MAST2: variants seen among roughly 807,000 people sequenced by gnomAD.
The protein encoded by MAST2 is microtubule associated serine/threonine kinase 2, also known as microtubule-associated serine/threonine-protein kinase 2.
Under a neutral mutation model 147.4 loss-of-function variants are expected in MAST2, and 70 were observed. The observed-to-expected ratio is 0.47, with a 90% CI of 0.39 to 0.58. The LOEUF is 0.58. Ranked by LOEUF, MAST2 falls within the 20% of genes least tolerant of loss-of-function variation. MAST2 has a pLI of 0.00. For missense variants in MAST2, 2,080 were observed against 2,302.3 expected (o/e 0.90, Z 1.98); for synonymous variants, 869 against 896.8 (o/e 0.97, Z 0.55).
At chr1:45,939,980 G>GTTTTTTTTTTTTTTTTTTTTTT (rs1174123217) in intron 4 of MAST2, among the ~76,000 whole-genome samples, 3 of 97,284 alleles carry the variant, frequency 3.1e-5, no homozygotes, top group African/African-American at 3.9e-5. Context: ...TTTATTTAGG[G>GTTTTTTTTTTTTTTTTTTTTTT]TTTTTTTTTT....
At chr1:45,999,917 C>G (rs558886707) in intron 6 of MAST2, among the ~76,000 whole-genome samples, 2 of 152,290 alleles carry the variant, frequency 1.3e-5, no homozygotes, top group South Asian at 4.1e-4. Flanking sequence ...AAGCTGTGTC[C>G]TGGCGGGAAG....
rs578169606 is a variant in MAST2, at chr1:45,923,232, G to A, written c.501-36154G>A. ...GGTGGGTTCCCAGGGCAGTGGGCCT[G>A]TAGGGGGGCTTCCAAAGGAGGGTTC... is the stretch of plus-strand genomic sequence containing the variant. On this transcript the variant is annotated intron_variant, in intron 4 of 28. Transcript: ENST00000361297. Among the ~76,000 whole-genome samples, 12 of 152,264 alleles carry A rather than the reference G, an allele frequency of 7.9e-5. No homozygotes were observed. In the South Asian group the frequency reaches 2.3e-3, roughly 29 times the overall value.
chr1:45,933,755 CA>C (rs1307917138), intron 4 of MAST2, among the ~76,000 whole-genome samples: 5 of 149,316 alleles, frequency 3.3e-5, no homozygotes, highest in Admixed American at 1.3e-4. Flanking sequence ...AACTCAGTCT[CA>C]AAAAAAAAGA....
Position 46,036,095 on chromosome 1 carries a change from C to T in MAST2, c.*29C>T. The T allele has an allele frequency of 6.4e-7, 1 of 1,563,016 alleles. No homozygotes were observed. Among genetic ancestry groups the T allele is most frequent in the Non-Finnish European group, 8.7e-7 (1 of 1,153,122 alleles). On this transcript the variant is annotated 3_prime_UTR_variant, in exon 29 of 29. Transcript: ENST00000361297. Reference sequence around the variant, plus strand: ...TTGTTTGCCATTTCTTGCACTCAGACCTGTGTAATATATGCTCCTGGAAAC... The same window carrying T: ...TTGTTTGCCATTTCTTGCACTCAGATCTGTGTAATATATGCTCCTGGAAAC...
At chr1:45,944,978 G>T (rs1015251834) in intron 4 of MAST2, among the ~76,000 whole-genome samples, 4 of 152,172 alleles carry the variant, frequency 2.6e-5, no homozygotes, top group African/African-American at 9.7e-5. Flanking sequence ...ATAGAACCTT[G>T]CAATTAGCTG....
chr1:45,917,348 C>T (rs41286710), intron 4 of MAST2: 62,612 of 1,365,324 alleles, frequency 0.046, 1,664 homozygotes, highest in South Asian at 0.056. Context: ...GAATCTCTAC[C>T]CTTTGCCGAG....
At position 46,035,821 on chromosome 1, in the gene MAST2, T is replaced by C. The variant is rs757734339; in HGVS notation, c.5152T>C (p.Tyr1718His). 3.1e-6 allele frequency: 5 copies of C among 1,613,932 alleles called. No homozygotes were observed. The South Asian group carries it at 5.5e-5, about 18-fold the overall frequency. Residue 1718 changes from tyrosine (Y) to histidine (H), a missense_variant, in exon 29 of 29, where the codon TAT becomes CAT. Physicochemically the swap from Tyr to His is moderately conservative, Grantham distance 83. Around this residue, in one of 4 missense-constraint regions of MAST2, gnomAD observed 1,278 missense variants for 1,304.2 expected, o/e 0.98. Transcript: ENST00000361297. The surrounding 1 kb of genome is among the most constrained non-coding windows in gnomAD (Gnocchi z 5.5). ...TGCCCCCAGACTGGCCCATCCATCT[T>C]ATGAGGATCCCAGCCAGGGCTGGCT... ...PSAPRLAHPS[Y>H]EDPSQGWLWE...
At position 46,019,685 on chromosome 1, in the gene MAST2, C is replaced by G. The variant is rs1161420895; in HGVS notation, c.1278C>G (p.Leu426=). 1 of 1,614,096 alleles carries G rather than the reference C, an allele frequency of 6.2e-7. No homozygotes were observed. The highest frequency in any genetic ancestry group is 1.1e-5 in the South Asian group (1 of 91,078). Residue 426 remains leucine, a synonymous_variant, in exon 11 of 29, where the codon CTC becomes CTG. Coordinates refer to ENST00000361297, the MANE Select transcript of MAST2 (RefSeq NM_015112.3). ...TTATCATTGCCCGCCCAGCACGTCTCCTGGAATGCCTGGTGAGTGGACTCT... is the reference window on the plus strand; with the variant it reads ...TTATCATTGCCCGCCCAGCACGTCTGCTGGAATGCCTGGTGAGTGGACTCT... ...LMIIIARPAR[L]LECLEFDPEE... is the part of the protein sequence containing the mutation.
intron 6 of MAST2, among the ~76,000 whole-genome samples, chr1:45,998,200 C>T (rs1018122879): frequency 3.9e-5 from 6 of 152,156 alleles, no homozygotes; most frequent in Non-Finnish European, 7.4e-5. Flanking sequence ...TACTCTTTGT[C>T]CTCTCTAACT....
chr1:45,929,722 A>G (rs1290191804), intron 4 of MAST2, among the ~76,000 whole-genome samples: 2 of 152,180 alleles, frequency 1.3e-5, no homozygotes, highest in Admixed American at 6.5e-5. Context: ...TTAATTTACA[A>G]TAATAGATCC....
chr1:45,998,114 A>G (rs759710508), intron 6 of MAST2, among the ~76,000 whole-genome samples: 2 of 152,154 alleles, frequency 1.3e-5, no homozygotes, highest in African/African-American at 2.4e-5. Context: ...GTTCCAAAGC[A>G]TTATACTCTC....
At chr1:45,891,589 C>G (rs922480450) in intron 4 of MAST2, among the ~76,000 whole-genome samples, 1 of 152,050 alleles carries the variant, frequency 6.6e-6, no homozygotes, top group Non-Finnish European at 1.5e-5. Context: ...AGAGTATTCT[C>G]TAAACAATAT....
chr1:45,845,841 A>C (rs1645414304), intron 3 of MAST2, among the ~76,000 whole-genome samples: 1 of 152,156 alleles, frequency 6.6e-6, no homozygotes, highest in African/African-American at 2.4e-5. Flanking sequence ...GCTCACTGCA[A>C]GCTCTGCCTC....
intron 3 of MAST2, among the ~76,000 whole-genome samples, chr1:45,843,042 T>C (rs914436778): frequency 1.3e-5 from 2 of 152,224 alleles, no homozygotes; most frequent in African/African-American, 2.4e-5. Context: ...TAATGACTAA[T>C]GATGTTGAGC....
chr1:45,949,240 A>G (rs1256427100), intron 4 of MAST2, among the ~76,000 whole-genome samples: 1 of 152,226 alleles, frequency 6.6e-6, no homozygotes, highest in African/African-American at 2.4e-5. Flanking sequence ...ATTAAACTTA[A>G]GAGGTTCTGC....
At chr1:45,931,377 G>GT (rs71587091) in intron 4 of MAST2, among the ~76,000 whole-genome samples, 23,553 of 100,470 alleles carry the variant, frequency 0.23, 3,313 homozygotes, top group South Asian at 0.29. Context: ...ATTGTGTTCT[G>GT]TTTTTTTTTT....
At chr1:45,863,443 T>G (rs1259259601) in intron 3 of MAST2, among the ~76,000 whole-genome samples, 1 of 152,210 alleles carries the variant, frequency 6.6e-6, no homozygotes, top group Non-Finnish European at 1.5e-5. Flanking sequence ...CGTGGAAATG[T>G]GGATTTATTA....
At chr1:45,929,030 T>C (rs1456695965) in intron 4 of MAST2, among the ~76,000 whole-genome samples, 3 of 152,148 alleles carry the variant, frequency 2.0e-5, no homozygotes, top group African/African-American at 4.8e-5. Context: ...GGAAGAATAC[T>C]TAACAGTTGG....
In MAST2 at chr1:45,867,461, G is replaced by C. The variant is rs528001027; in HGVS notation, c.469-14903G>C. 7.9e-5 allele frequency among the ~76,000 whole-genome samples: 12 copies of C among 152,196 alleles called. No individual in the cohort carries two copies. The South Asian group carries it at 8.3e-4, about 11-fold the overall frequency. Reference sequence around the variant, plus strand: ...AGTAAATAGGGCATTTAGAAGTTCCGTGACAGCAAAGACCTTGTCTATTTT... The same window carrying C: ...AGTAAATAGGGCATTTAGAAGTTCCCTGACAGCAAAGACCTTGTCTATTTT... On this transcript the variant is annotated intron_variant, in intron 3 of 28. Transcript: ENST00000361297.
Sources: allele counts gnomAD v4.1 joint callset (sites outside exome capture counted in the v4.1 genomes callset), GRCh38; gene constraint gnomAD v4.1.1; regional missense constraint gnomAD v4.1.1; non-coding constraint Gnocchi (gnomAD v3.1); transcripts MANE v1.5; gene names NCBI Gene and HGNC (gene_info 2026-07-23, HGNC 2026-07-21).